CCP110: variants seen among roughly 807,000 people sequenced by gnomAD.
The protein encoded by CCP110 is centriolar coiled-coil protein of 110 kDa.
CCP110 carries 43 observed loss-of-function variants against 105.5 expected under a neutral mutation model. The observed-to-expected ratio is 0.41, with a 90% CI of 0.32 to 0.53. CCP110 has a LOEUF of 0.53. CCP110 is among the 20% of genes least tolerant of loss of function. The pLI, the probability that CCP110 is intolerant of heterozygous loss-of-function variation, is 0.32. For synonymous variants in CCP110, 353 were observed against 392.1 expected (o/e 0.90, Z 1.18); for missense variants, 1,016 against 1,189.1 (o/e 0.85, Z 2.14).
At chr16:19,543,733 G>T (rs1396718200) in intron 8 of CCP110, among the ~76,000 whole-genome samples, 1 of 152,152 alleles carries the variant, frequency 6.6e-6, no homozygotes, top group African/African-American at 2.4e-5. Context: ...CACTCTGGGA[G>T]TATCTGTCTT....
At chr16:19,541,740 AGG>A in intron 5 of CCP110, 145 bp from the exon 6 acceptor site, 9 of 329,534 alleles carry the variant, frequency 2.7e-5, no homozygotes, top group Non-Finnish European at 4.9e-5. Flanking sequence ...GGAAGGGAGA[AGG>A]AAGGAAGGAT....
At chr16:19,544,186 A>T (rs1970384644) in intron 8 of CCP110, among the ~76,000 whole-genome samples, 1 of 152,156 alleles carries the variant, frequency 6.6e-6, no homozygotes, top group African/African-American at 2.4e-5. Context: ...TCTGGCTGAC[A>T]CTTATGAAAA....
intron 8 of CCP110, 105 bp from the exon 9 acceptor site, chr16:19,544,692 C>T (rs575726720): frequency 1.6e-4 from 109 of 679,278 alleles, no homozygotes; most frequent in Admixed American, 5.1e-4. Context: ...CAGATACTGA[C>T]GAAAGACTGT....
At chr16:19,530,774 C>T (rs1437116337) in intron 2 of CCP110, among the ~76,000 whole-genome samples, 1 of 151,824 alleles carries the variant, frequency 6.6e-6, no homozygotes, top group Non-Finnish European at 1.5e-5. Flanking sequence ...GCCAACATGG[C>T]GAAACCCCTT....
intron 4 of CCP110, among the ~76,000 whole-genome samples, chr16:19,538,540 C>A (rs1173601462): frequency 6.6e-6 from 1 of 150,478 alleles, no homozygotes; most frequent in Non-Finnish European, 1.5e-5. Context: ...AAGCTCCTGG[C>A]CTCAAGCGAT....
chr16:19,537,718 G>T, intron 4 of CCP110, 131 bp downstream of exon 4: 1 of 578,660 alleles, frequency 1.7e-6, no homozygotes, highest in Non-Finnish European at 3.0e-6. Context: ...TTATTAGAAA[G>T]CATATTAGTC....
In CCP110 at chr16:19,548,318, A is replaced by G. The variant is rs1392073187; in HGVS notation, c.2901-197A>G. On this transcript the variant is annotated intron_variant, in intron 13 of 14. Coordinates refer to ENST00000381396, the Ensembl canonical transcript of CCP110. This position sits in a 1 kb window ranked among gnomAD's most constrained non-coding sequence, Gnocchi z 4.1. Reference sequence around the variant, plus strand: ...TCAGCATCACCGAAGTGATTCTCCAACAGAGTATGACTCGTGCTTATAGTC... The same window carrying G: ...TCAGCATCACCGAAGTGATTCTCCAGCAGAGTATGACTCGTGCTTATAGTC... 2 of 580,204 alleles carry G rather than the reference A, an allele frequency of 3.4e-6. No individual in the cohort carries two copies. Among genetic ancestry groups the G allele is most frequent in the Non-Finnish European group, 6.1e-6 (2 of 330,020 alleles). 35.9% of individuals were successfully genotyped at this position (580,204 alleles called of 1,614,324 possible).
exon 4 of CCP110, chr16:19,536,139 A>T: frequency 6.2e-7 from 1 of 1,613,958 alleles, no homozygotes; most frequent in Non-Finnish European, 8.5e-7. Flanking sequence ...TGTAAAACTG[A>T]TGGAATAGAC....
At chr16:19,546,120 A>G (rs1056241990) in intron 11 of CCP110, 2 of 524,606 alleles carry the variant, frequency 3.8e-6, no homozygotes, top group African/African-American at 3.9e-5. Flanking sequence ...TATAACTGAT[A>G]GCTGGTTAAT....
intron 5 of CCP110, among the ~76,000 whole-genome samples, chr16:19,541,326 ATACAT>A (rs571518152): frequency 4.6e-4 from 70 of 152,082 alleles, no homozygotes; most frequent in Non-Finnish European, 7.6e-4. Flanking sequence ...TAATTTAACT[ATACAT>A]TATCACATAT....
chr16:19,545,249 G>T (rs757170780), intron 10 of CCP110, 39 bp downstream of exon 10: 3 of 1,209,880 alleles, frequency 2.5e-6, no homozygotes, highest in Admixed American at 1.9e-5. Flanking sequence ...GTTCTTCTGG[G>T]TTTAGGGTAA....
chr16:19,526,317 G>A (rs1352690273), intron 1 of CCP110: 2 of 151,964 alleles, frequency 1.3e-5, no homozygotes, highest in African/African-American at 2.4e-5. Flanking sequence ...TACTTTATTT[G>A]TATAATCTAT....
At position 19,533,174 on chromosome 16, in the gene CCP110, T is replaced by C. The variant is rs78665298; in HGVS notation, c.270+630T>C. ...ACAACATATAGCAGTGTTCTGCTGGTAACATCTTTTTGTTTTTTCATAATC... is the reference window on the plus strand; with the variant it reads ...ACAACATATAGCAGTGTTCTGCTGGCAACATCTTTTTGTTTTTTCATAATC... On this transcript the variant is annotated intron_variant, in intron 3 of 14. Transcript: ENST00000381396. Among the ~76,000 whole-genome samples, 690 of 152,344 alleles carry C rather than the reference T, an allele frequency of 4.5e-3. 1 individual carries two copies. Among genetic ancestry groups the C allele is most frequent in the Non-Finnish European group, 6.8e-3 (461 of 68,032 alleles).
At chr16:19,533,077 A>G (rs1292369512) in intron 3 of CCP110, among the ~76,000 whole-genome samples, 2 of 152,244 alleles carry the variant, frequency 1.3e-5, no homozygotes, top group African/African-American at 4.8e-5. Flanking sequence ...TGTATAAACA[A>G]TTTGTTCTGA....
At chr16:19,527,127 T>A (rs1969700250) in intron 1 of CCP110, 1 of 152,170 alleles carries the variant, frequency 6.6e-6, no homozygotes, top group African/African-American at 2.4e-5. Context: ...AGTAGTTTGG[T>A]GATGGTTCCA....
chr16:19,537,367 A>G (rs1597262825), exon 4 of CCP110: 1 of 1,609,580 alleles, frequency 6.2e-7, no homozygotes, highest in East Asian at 2.2e-5. Flanking sequence ...AGATGGACAC[A>G]CCTATGGTGT....
intron 4 of CCP110, among the ~76,000 whole-genome samples, chr16:19,540,157 C>G (rs1330138222): frequency 6.6e-6 from 1 of 152,204 alleles, no homozygotes; most frequent in Non-Finnish European, 1.5e-5. Context: ...ATAATGTTTT[C>G]TCTTAGTTAG....
intron 2 of CCP110, among the ~76,000 whole-genome samples, chr16:19,531,409 T>C (rs1458329594): frequency 2.0e-5 from 3 of 152,234 alleles, no homozygotes; most frequent in Non-Finnish European, 4.4e-5. Context: ...TGATTTAATT[T>C]CCCAGGACTT....
At chr16:19,540,683 A>G in exon 5 of CCP110, 1 of 1,612,884 alleles carries the variant, frequency 6.2e-7, no homozygotes, top group Non-Finnish European at 8.5e-7. Flanking sequence ...AAAAAGCAAG[A>G]TGTTAGCTTT....
Sources: gnomAD v4.1 joint callset for allele counts (sites outside exome capture counted in the v4.1 genomes callset) on GRCh38, gnomAD v4.1.1 for gene constraint, Gnocchi (gnomAD v3.1) non-coding constraint, MANE v1.5 for transcripts, NCBI Gene and HGNC (gene_info 2026-07-23, HGNC 2026-07-21) for gene names.